PHIP: variants seen among roughly 807,000 people sequenced by gnomAD.
PHIP encodes PHIP subunit of CUL4-Ring ligase complex.
In PHIP, 54 loss-of-function variants were observed where a neutral mutation model predicts 236.8. The ratio of observed to expected loss-of-function variants is 0.23; its 90% confidence interval spans 0.18 to 0.29. The LOEUF is 0.29. PHIP is among the 10% of genes least tolerant of loss of function. The pLI is 1.00. For synonymous variants in PHIP, 756 were observed against 718.9 expected (o/e 1.05, Z -0.83); for missense variants, 1,370 against 2,190.8 (o/e 0.63, Z 7.48).
intron 15 of PHIP, among the ~76,000 whole-genome samples, chr6:79,011,547 T>A (rs1770575638): frequency 6.6e-6 from 1 of 151,786 alleles, no homozygotes; most frequent in African/African-American, 2.4e-5. Flanking sequence ...ATGCCCTATG[T>A]TAGCCTCTTT....
chr6:79,044,987 C>A (rs1772406872), intron 6 of PHIP, among the ~76,000 whole-genome samples: 1 of 152,098 alleles, frequency 6.6e-6, no homozygotes. Context: ...TTCAAAGTTA[C>A]TTTACAGTCA....
Position 78,937,044 on chromosome 6 carries a change from G to C in PHIP, c.*3649C>G, listed in dbSNP as rs1039028883. The C allele has an allele frequency of 3.3e-5, 5 of 151,746 alleles. No homozygotes were observed. Among genetic ancestry groups the C allele is most frequent in the Middle Eastern group, 3.2e-3 (1 of 316 alleles). 9.4% of individuals were successfully genotyped at this position (151,746 alleles called of 1,614,324 possible). On this transcript the variant is annotated 3_prime_UTR_variant, in exon 40 of 40. Transcript: ENST00000275034. The stretch of plus-strand genomic sequence containing the variant: ...CTTTTTAGGTTAATAGGAGTAATCA[G>C]ATGATAAAACTACTTCCCCTATTAT...
chr6:78,981,179 T>C (rs962524405), intron 23 of PHIP, among the ~76,000 whole-genome samples: 8 of 152,034 alleles, frequency 5.3e-5, no homozygotes, highest in Non-Finnish European at 8.8e-5. Flanking sequence ...TTTTTTTAAA[T>C]ATGGAAAGTA....
rs188230676 is a variant in PHIP at position 78,954,012 on chromosome 6, G to A, written c.4053+802C>T. Among the ~76,000 whole-genome samples the A allele has an allele frequency of 6.9e-4, 105 of 152,248 alleles. 1 individual carries two copies. The South Asian group carries it at 0.011, about 16-fold the overall frequency. ...ATGTTTACTTAGCTCTTTTTACCAT[G>A]TATTCCATAAAGATTACACATTGGC... is the stretch of plus-strand genomic sequence containing the variant. On this transcript the variant is annotated intron_variant, in intron 35 of 39. Coordinates refer to ENST00000275034, the MANE Select transcript of PHIP (RefSeq NM_017934.7).
intron 24 of PHIP, among the ~76,000 whole-genome samples, chr6:78,975,878 T>A (rs1768018253): frequency 6.7e-6 from 1 of 148,686 alleles, no homozygotes; most frequent in African/African-American, 2.5e-5. Flanking sequence ...TAAAAGAGGA[T>A]ACAAACAAAT....
In PHIP at chr6:79,078,116, G is replaced by A; in HGVS notation, c.-48C>T. ...GCCGACGGGACACCCCGCCGCCGAG[G>A]GGAAGCGGGGACGGTGCCGCCGCCT... is the stretch of plus-strand genomic sequence containing the variant. On this transcript the variant is annotated 5_prime_UTR_variant, in exon 1 of 40. Coordinates refer to ENST00000275034, the MANE Select transcript of PHIP (RefSeq NM_017934.7). The A allele has an allele frequency of 6.3e-7, 1 of 1,592,602 alleles. No individual in the cohort carries two copies. Among genetic ancestry groups the A allele is most frequent in the Non-Finnish European group, 8.6e-7 (1 of 1,166,158 alleles).
At chr6:78,969,217 C>T (rs564303468) in intron 27 of PHIP, among the ~76,000 whole-genome samples, 16 of 152,284 alleles carry the variant, frequency 1.1e-4, no homozygotes, top group Admixed American at 4.6e-4. Context: ...CATGTCAATG[C>T]GTTCTAGTGG....
At position 79,000,854 on chromosome 6, in the gene PHIP, T is replaced by C. The variant is rs531655879; in HGVS notation, c.1879+1045A>G. On this transcript the variant is annotated intron_variant, in intron 17 of 39. Transcript: ENST00000275034. ...CCACTGGACTGCACTACTCTAGGAGTAGCAGCAGGAATGATTCCTCTAATG... is the reference window on the plus strand; with the variant it reads ...CCACTGGACTGCACTACTCTAGGAGCAGCAGCAGGAATGATTCCTCTAATG... Among the ~76,000 whole-genome samples, 37 of 152,162 alleles carry C rather than the reference T, an allele frequency of 2.4e-4. 1 individual carries two copies. The South Asian group carries it at 7.7e-3, about 32-fold the overall frequency.
At chr6:79,023,290 A>G (rs976010659) in intron 9 of PHIP, among the ~76,000 whole-genome samples, 1 of 152,074 alleles carries the variant, frequency 6.6e-6, no homozygotes, top group African/African-American at 2.4e-5. Flanking sequence ...TAGAGACAAG[A>G]TCTTGCTCTG....
chr6:79,067,048 CTAAT>C (rs1217357666), intron 4 of PHIP, among the ~76,000 whole-genome samples: 1 of 152,050 alleles, frequency 6.6e-6, no homozygotes, highest in Non-Finnish European at 1.5e-5. Context: ...TACATCACAC[CTAAT>C]TTTTATTTTA....
At chr6:79,012,160 G>A (rs924828527) in intron 15 of PHIP, among the ~76,000 whole-genome samples, 21 of 151,616 alleles carry the variant, frequency 1.4e-4, no homozygotes, top group African/African-American at 3.9e-4. Flanking sequence ...TAAATTATAT[G>A]TTACATGATT....
intron 19 of PHIP, among the ~76,000 whole-genome samples, chr6:78,994,534 G>A (rs993921183): frequency 1.1e-4 from 17 of 152,068 alleles, no homozygotes; most frequent in African/African-American, 2.9e-4. Flanking sequence ...CCGAGATCAC[G>A]CCACTGCACT....
At chr6:78,987,537 C>A (rs1212558763) in intron 21 of PHIP, among the ~76,000 whole-genome samples, 1 of 151,986 alleles carries the variant, frequency 6.6e-6, no homozygotes, top group Non-Finnish European at 1.5e-5. Flanking sequence ...CACAACATGG[C>A]TTCAAAAGTG....
chr6:78,978,799 TTAAA>T, intron 23 of PHIP, 88 bp from the exon 24 acceptor site: 13 of 1,089,652 alleles, frequency 1.2e-5, no homozygotes, highest in Middle Eastern at 2.7e-4. Flanking sequence ...ATAAAGATAA[TTAAA>T]TAAAAGGGGA....
At chr6:78,943,894 A>G (rs1773645475) in intron 39 of PHIP, among the ~76,000 whole-genome samples, 1 of 151,622 alleles carries the variant, frequency 6.6e-6, no homozygotes, top group Non-Finnish European at 1.5e-5. Flanking sequence ...GCTGAGGCAG[A>G]AGAATTGCTT....
rs1773306836 is a variant in PHIP at position 78,937,243 on chromosome 6, T to C, written c.*3450A>G. On this transcript the variant is annotated 3_prime_UTR_variant, in exon 40 of 40. Coordinates refer to ENST00000275034, the MANE Select transcript of PHIP (RefSeq NM_017934.7). ...CTGAAAAAGTTGCTTCTAGCTGACA[T>C]TTGAGAGAGATATACAGTAGGTATA... The C allele has an allele frequency of 6.6e-6, 1 of 151,706 alleles. No homozygotes were observed. Among genetic ancestry groups the C allele is most frequent in the South Asian group, 2.1e-4 (1 of 4,826 alleles). The allele number at this position is 151,706 out of a possible 1,614,324, so 9.4% of individuals were successfully genotyped here. A position where few individuals can be genotyped will look rare whatever the true frequency, so the allele number is the denominator to read the frequency against.
intron 6 of PHIP, among the ~76,000 whole-genome samples, chr6:79,049,723 A>C (rs920462185): frequency 2.6e-5 from 4 of 152,180 alleles, no homozygotes; most frequent in African/African-American, 9.7e-5. Flanking sequence ...GATGATAATT[A>C]GATTTTCCAA....
rs528243539 is a variant in PHIP, at chr6:78,965,937, T to C, written c.3317+8A>G. ...AGGTGAACTAAAATACAACAAATAT[T>C]TCCTTACCAAACATTGTAGCATTGA... On this transcript the variant is annotated splice_region_variant and intron_variant, in intron 28 of 39. Coordinates refer to ENST00000275034, the MANE Select transcript of PHIP (RefSeq NM_017934.7). 2 of 1,578,972 alleles carry C rather than the reference T, an allele frequency of 1.3e-6. No homozygotes were observed. Among genetic ancestry groups the C allele is most frequent in the Admixed American group, 1.7e-5 (1 of 59,944 alleles).
At position 79,060,753 on chromosome 6, in the gene PHIP, A is replaced by G. The variant is rs777022387; in HGVS notation, c.255T>C (p.Leu85=). The G allele has an allele frequency of 1.9e-6, 3 of 1,612,968 alleles. No individual in the cohort carries two copies. The highest frequency in any genetic ancestry group is 3.3e-5 in the Admixed American group (2 of 60,010). The change falls in exon 5 of 40, where the codon CTT becomes CTC. Residue 85 remains leucine (L), a synonymous_variant. Transcript: ENST00000275034. Reference sequence around the variant, plus strand: ...CACTTTGAGGAATTTCTTGTTCAAGAAGAGGTCCTAGTCGATGACATATTT... The same window carrying G: ...CACTTTGAGGAATTTCTTGTTCAAGGAGAGGTCCTAGTCGATGACATATTT... ...LLQICHRLGP[L]LEQEIPQSVP...
Sources: gnomAD v4.1 joint callset for allele counts (sites outside exome capture counted in the v4.1 genomes callset) on GRCh38, gnomAD v4.1.1 for gene constraint, MANE v1.5 for transcripts, NCBI Gene and HGNC (gene_info 2026-07-23, HGNC 2026-07-21) for gene names.